Variants in KCNK10 observed in about 807,000 individuals in gnomAD.
KCNK10 encodes the protein potassium channel subfamily K member 10.
KCNK10 carries 25 observed loss-of-function variants against 47.7 expected under a neutral mutation model. That is an observed-to-expected ratio of 0.52 (90% CI 0.38 to 0.73). The LOEUF (loss-of-function observed/expected upper bound fraction) is 0.73. Among genes scored for constraint, KCNK10 ranks in the 30% least tolerant of loss-of-function variants. The pLI is 0.00. For missense variants in KCNK10, 563 were observed against 714.5 expected (o/e 0.79, Z 2.42); for synonymous variants, 303 against 285.6 (o/e 1.06, Z -0.61).
At chr14:88,256,490 C>T (rs771244841) in intron 2 of KCNK10, among the ~76,000 whole-genome samples, 6 of 151,966 alleles carry the variant, frequency 3.9e-5, no homozygotes, top group African/African-American at 9.7e-5. Context: ...TCCAGTAAGA[C>T]GAAGGATAAA....
intron 1 of KCNK10, among the ~76,000 whole-genome samples, chr14:88,279,621 A>G (rs1236907867): frequency 6.6e-6 from 1 of 152,144 alleles, no homozygotes; most frequent in South Asian, 2.1e-4. Context: ...TCTGAAATTC[A>G]AATTTAACTG....
chr14:88,233,292 TC>T (rs1392503494), intron 3 of KCNK10, among the ~76,000 whole-genome samples: 1 of 152,168 alleles, frequency 6.6e-6, no homozygotes. Context: ...TTTGATGAAT[TC>T]TAGGCAGAAC....
At chr14:88,289,373 A>C (rs191674020) in intron 1 of KCNK10, among the ~76,000 whole-genome samples, 14 of 152,288 alleles carry the variant, frequency 9.2e-5, no homozygotes, top group African/African-American at 3.4e-4. Flanking sequence ...GGTGTAAGTG[A>C]TCTTGGGGAG....
rs1004023618 is a variant in KCNK10 at position 88,322,069 on chromosome 14, T to C, written c.52+678A>G. Among the ~76,000 whole-genome samples, 1 of 152,150 alleles carries C rather than the reference T, an allele frequency of 6.6e-6. No homozygotes were observed. On this transcript the variant is annotated intron_variant, in intron 1 of 6. Coordinates refer to ENST00000319231, the MANE Select transcript of KCNK10 (RefSeq NM_138317.3). This position sits in a 1 kb window ranked among gnomAD's most constrained non-coding sequence, Gnocchi z 4.8. ...TCGTAAAAGCATGCAAACCACACCA[T>C]TGCTTGGGCGGGCACACTTCGTGCC...
At chr14:88,217,285 G>A (rs1164560216) in intron 4 of KCNK10, among the ~76,000 whole-genome samples, 1 of 152,180 alleles carries the variant, frequency 6.6e-6, no homozygotes, top group African/African-American at 2.4e-5. Context: ...AGACATATGG[G>A]CACTGGTAAA....
At chr14:88,301,152 T>C (rs1888084313) in intron 1 of KCNK10, among the ~76,000 whole-genome samples, 1 of 152,242 alleles carries the variant, frequency 6.6e-6, no homozygotes, top group Non-Finnish European at 1.5e-5. Context: ...TCCTTGACAG[T>C]AGAGGCATTG....
rs1430229930 is a variant in KCNK10 at position 88,241,452 on chromosome 14, C to T, written c.403-632G>A. Among the ~76,000 whole-genome samples, 15 of 152,214 alleles carry T rather than the reference C, an allele frequency of 9.9e-5. No individual in the cohort carries two copies. The East Asian group carries it at 2.9e-3, about 29-fold the overall frequency. ...TGTCTGGCTCCCAGTTAGGGTTTACCAAACAGTAGCCAATTTCATGATTGT... is the reference window on the plus strand; with the variant it reads ...TGTCTGGCTCCCAGTTAGGGTTTACTAAACAGTAGCCAATTTCATGATTGT... On this transcript the variant is annotated intron_variant, in intron 2 of 6. Transcript: ENST00000319231.
intron 2 of KCNK10, among the ~76,000 whole-genome samples, chr14:88,242,905 C>T (rs1233836571): frequency 6.6e-6 from 1 of 152,160 alleles, no homozygotes; most frequent in African/African-American, 2.4e-5. Context: ...TCAAATCATA[C>T]CATCAGTACC....
At chr14:88,223,081 T>C (rs550961410) in intron 4 of KCNK10, among the ~76,000 whole-genome samples, 1 of 152,318 alleles carries the variant, frequency 6.6e-6, no homozygotes, top group Admixed American at 6.5e-5. Flanking sequence ...GGAAGGATTC[T>C]CATGCACAAA....
chr14:88,186,152 C>A lies in KCNK10; in HGVS notation c.1015G>T (p.Gly339Cys). The change falls in exon 7 of 7, where the codon GGT becomes TGT. Residue 339 changes from glycine (G) to cysteine (C), a missense_variant. Physicochemically the swap from Gly to Cys is radical, Grantham distance 159 (BLOSUM62 -3). Coordinates refer to ENST00000319231, the MANE Select transcript of KCNK10 (RefSeq NM_138317.3). This position sits in a 1 kb window ranked among gnomAD's most constrained non-coding sequence, Gnocchi z 5.5. ...TCTGCCGCATGGGCCTTGATTTCAC[C>A]CACCTGGCCAAGAGACAGAAGAGCA... ...VLSKKTKEEV[G>C]EIKAHAAEWK... 1 of 1,577,784 alleles carries A rather than the reference C, an allele frequency of 6.3e-7. No homozygotes were observed. The highest frequency in any genetic ancestry group is 1.2e-5 in the South Asian group (1 of 85,498).
At chr14:88,273,923 C>T (rs981275960) in intron 1 of KCNK10, among the ~76,000 whole-genome samples, 2 of 151,968 alleles carry the variant, frequency 1.3e-5, no homozygotes, top group Non-Finnish European at 2.9e-5. Context: ...TCAAAATATC[C>T]CCTTTCCCTG....
chr14:88,240,809 A>C lies in KCNK10; in HGVS notation c.414T>G (p.Asp138Glu), dbSNP rs754711641. 1.9e-6 allele frequency: 3 copies of C among 1,606,766 alleles called. No homozygotes were observed. In the South Asian group the frequency reaches 3.3e-5, roughly 18 times the overall value. ...TTGGACTGACTCCCGCATTGTCAGC[A>C]TCAAGAGCATGCTGCAAAGAAAGGG... ...ELETLIQHAL[D>E]ADNAGVSPIG... Residue 138 changes from aspartate to glutamate, a missense_variant, in exon 3 of 7, where the codon GAT becomes GAG. Coordinates refer to ENST00000319231, the MANE Select transcript of KCNK10 (RefSeq NM_138317.3).
intron 1 of KCNK10, among the ~76,000 whole-genome samples, chr14:88,320,318 TG>T (rs1271200010): frequency 1.3e-5 from 2 of 152,266 alleles, no homozygotes; most frequent in African/African-American, 4.8e-5. Flanking sequence ...GCTATTTGTA[TG>T]CTTTTCTTCA....
In KCNK10 at chr14:88,185,682, C is replaced by A. The variant is rs113347660; in HGVS notation, c.1485G>T (p.Thr495=). ...AGTTGTCTGAGTTACACATCTTTTC[C>A]GTCTCCTCCTCTTTCTTCTCCTCGT... ...SLDEEKKEEE[T]EKMCNSDNSS... The change falls in exon 7 of 7, where the codon ACG becomes ACT. Residue 495 remains threonine, a synonymous_variant. Coordinates refer to ENST00000319231, the MANE Select transcript of KCNK10 (RefSeq NM_138317.3). This position sits in a 1 kb window ranked among gnomAD's most constrained non-coding sequence, Gnocchi z 4.3. The A allele has an allele frequency of 1.9e-6, 3 of 1,614,056 alleles. No individual in the cohort carries two copies. In the African/African-American group the frequency reaches 4.0e-5, roughly 22 times the overall value.
At chr14:88,303,023 G>C (rs1030395228) in intron 1 of KCNK10, among the ~76,000 whole-genome samples, 4 of 152,174 alleles carry the variant, frequency 2.6e-5, no homozygotes, top group Non-Finnish European at 4.4e-5. Context: ...GATGAGTTTA[G>C]GGGGTGATAT....
chr14:88,278,039 T>C (rs1203388448), intron 1 of KCNK10, among the ~76,000 whole-genome samples: 1 of 152,170 alleles, frequency 6.6e-6, no homozygotes, highest in Non-Finnish European at 1.5e-5. Context: ...CTATTGTGCT[T>C]CAGGCATCGG....
intron 5 of KCNK10, 124 bp downstream of exon 5, chr14:88,192,100 G>A: frequency 1.2e-6 from 1 of 864,042 alleles, no homozygotes; most frequent in African/African-American, 1.7e-5. Flanking sequence ...CTTCACAGCA[G>A]TAGTGACACT....
At chr14:88,254,617 A>G (rs1453371491) in intron 2 of KCNK10, among the ~76,000 whole-genome samples, 2 of 152,198 alleles carry the variant, frequency 1.3e-5, no homozygotes, top group Non-Finnish European at 2.9e-5. Context: ...TGAGGATCAC[A>G]AAAGAGGAAT....
At chr14:88,221,708 A>G (rs1885815358) in intron 4 of KCNK10, among the ~76,000 whole-genome samples, 1 of 152,216 alleles carries the variant, frequency 6.6e-6, no homozygotes, top group Admixed American at 6.5e-5. Flanking sequence ...GTATTTAACT[A>G]AAGGAGTTGA....
Sources: allele counts gnomAD v4.1 joint callset (sites outside exome capture counted in the v4.1 genomes callset), GRCh38; gene constraint gnomAD v4.1.1; non-coding constraint Gnocchi (gnomAD v3.1); transcripts MANE v1.5; gene names NCBI Gene and HGNC (gene_info 2026-07-23, HGNC 2026-07-21).